The following SRGAP1 variants were observed in gnomAD, a reference collection of about 807,000 sequenced individuals.
SRGAP1 encodes SLIT-ROBO Rho GTPase-activating protein 1.
In SRGAP1, 43 loss-of-function variants were observed where a neutral mutation model predicts 121.9. That is an observed-to-expected ratio of 0.35 (90% CI 0.28 to 0.46). SRGAP1 has a LOEUF of 0.46. Among genes scored for constraint, SRGAP1 ranks in the 20% least tolerant of loss-of-function variants. The pLI, the probability that SRGAP1 is intolerant of heterozygous loss-of-function variation, is 1.00. For missense variants in SRGAP1, 1,102 were observed against 1,350.9 expected (o/e 0.82, Z 2.89); for synonymous variants, 447 against 485.4 (o/e 0.92, Z 1.04).
rs527779514 is a variant in SRGAP1 at position 63,894,936 on chromosome 12, G to A, written c.67+50053G>A. ...GAATAGTGCTGCAATAAACACACAT[G>A]TGCATGTGCCTTTATAGCAGCAGCA... On this transcript the variant is annotated intron_variant, in intron 1 of 21. Transcript: ENST00000355086. Among the ~76,000 whole-genome samples, 4 of 151,240 alleles carry A rather than the reference G, an allele frequency of 2.6e-5. No individual in the cohort carries two copies. The East Asian group carries it at 5.9e-4, about 22-fold the overall frequency.
At chr12:64,047,821 A>T (rs908581714) in intron 6 of SRGAP1, among the ~76,000 whole-genome samples, 4 of 152,128 alleles carry the variant, frequency 2.6e-5, no homozygotes, top group Non-Finnish European at 5.9e-5. Context: ...GCAAATATAA[A>T]GTGATCACAT....
At chr12:64,112,458 G>T (rs1215627677) in intron 17 of SRGAP1, among the ~76,000 whole-genome samples, 1 of 152,020 alleles carries the variant, frequency 6.6e-6, no homozygotes, top group African/African-American at 2.4e-5. Flanking sequence ...TATAATTATA[G>T]TTAGACCTTT....
At chr12:64,079,489 T>G (rs971621416) in intron 9 of SRGAP1, among the ~76,000 whole-genome samples, 27 of 148,042 alleles carry the variant, frequency 1.8e-4, no homozygotes, top group Non-Finnish European at 3.9e-4. Context: ...ATATTTATAT[T>G]TATATATATT....
At position 64,012,196 on chromosome 12, in the gene SRGAP1, T is replaced by C. The variant is rs74097510; in HGVS notation, c.427-4754T>C. Among the ~76,000 whole-genome samples, 1,059 of 152,336 alleles carry C rather than the reference T, an allele frequency of 7.0e-3. 9 individuals are homozygous for C. The highest frequency in any genetic ancestry group is 0.024 in the African/African-American group (990 of 41,566). ...TTTGAGACTGTTCATTTTGGACTTA[T>C]GTTAGAAATATCTGAAACATCAAAA... On this transcript the variant is annotated intron_variant, in intron 3 of 21. Coordinates refer to ENST00000355086, the MANE Select transcript of SRGAP1 (RefSeq NM_020762.4).
chr12:64,160,728 TCA>T lies in SRGAP1; in HGVS notation c.*18057_*18058del, dbSNP rs1454289158. ...AGTATGGTAGGTGAGGAAGATTTTC[TCA>T]GAGTGGCTCATTATCTGGAAAGTGT... On this transcript the variant is annotated 3_prime_UTR_variant, in exon 22 of 22. Coordinates refer to ENST00000355086, the MANE Select transcript of SRGAP1 (RefSeq NM_020762.4). 3.3e-5 allele frequency: 5 copies of T among 152,156 alleles called. No individual in the cohort carries two copies. Among genetic ancestry groups the T allele is most frequent in the Non-Finnish European group, 7.3e-5 (5 of 68,032 alleles). The allele number at this position is 152,156 out of a possible 1,614,324, so 9.4% of individuals were successfully genotyped here.
chr12:63,886,661 G>A (rs73126655), intron 1 of SRGAP1, among the ~76,000 whole-genome samples: 5,976 of 151,870 alleles, frequency 0.039, 183 homozygotes, highest in Non-Finnish European at 0.054. Flanking sequence ...TTGTAGATAT[G>A]GGATTCTGCC....
At position 63,951,152 on chromosome 12, in the gene SRGAP1, CTTTTTTTTTTTTT is replaced by C. The variant is rs58637983; in HGVS notation, c.68-32778_68-32766del. Reference sequence around the variant, plus strand: ...GGGCTGGTCCATGCCATTTAGAACTCTTTTTTTTTTTTTTTTTTTTTTTTTTTTTGAGACAGAG... The same window carrying C: ...GGGCTGGTCCATGCCATTTAGAACTCTTTTTTTTTTTTTTTTGAGACAGAG... On this transcript the variant is annotated intron_variant, in intron 1 of 21. Coordinates refer to ENST00000355086, the MANE Select transcript of SRGAP1 (RefSeq NM_020762.4). 7.6e-3 allele frequency among the ~76,000 whole-genome samples: 336 copies of C among 44,220 alleles called. 9 individuals carry two copies. In the Admixed American group the frequency reaches 0.09, roughly 12 times the overall value. 29.0% of individuals were successfully genotyped at this position (44,220 alleles called of 152,430 possible).
rs1174747334 is a variant in SRGAP1 at position 64,072,114 on chromosome 12, G to C, written c.1126-6805G>C. Among the ~76,000 whole-genome samples, 283 of 103,168 alleles carry C rather than the reference G, an allele frequency of 2.7e-3. 1 individual carries two copies. The highest frequency in any genetic ancestry group is 6.8e-3 in the Admixed American group (69 of 10,144). 67.7% of individuals were successfully genotyped at this position (103,168 alleles called of 152,430 possible). A position where few individuals can be genotyped will look rare whatever the true frequency, so the allele number is the denominator to read the frequency against. On this transcript the variant is annotated intron_variant, in intron 8 of 21. Coordinates refer to ENST00000355086, the MANE Select transcript of SRGAP1 (RefSeq NM_020762.4). Reference sequence around the variant, plus strand: ...GAGTTGACCCAATCTCTCTCTGTGTGTGTGTGTGTGTGTGTGTGTGTGTGT... The same window carrying C: ...GAGTTGACCCAATCTCTCTCTGTGTCTGTGTGTGTGTGTGTGTGTGTGTGT...
At chr12:64,127,832 G>A in intron 20 of SRGAP1, 29 bp from the exon 21 acceptor site, 1 of 1,600,872 alleles carries the variant, frequency 6.2e-7, no homozygotes, top group Non-Finnish European at 8.5e-7. Flanking sequence ...AAGCTCTTCT[G>A]TTTTCTCCCT....
At chr12:64,043,623 A>G in intron 6 of SRGAP1, 48 bp downstream of exon 6, 2 of 1,453,756 alleles carry the variant, frequency 1.4e-6, no homozygotes, top group Non-Finnish European at 1.9e-6. Context: ...TGAAATTAAC[A>G]ATAACCATAT....
chr12:63,874,549 A>G (rs2136280300), intron 1 of SRGAP1, among the ~76,000 whole-genome samples: 1 of 152,316 alleles, frequency 6.6e-6, no homozygotes, highest in East Asian at 1.9e-4. Flanking sequence ...GAACTATTTA[A>G]GAAATCCCAT....
chr12:63,957,633 A>G (rs534397397), intron 1 of SRGAP1, among the ~76,000 whole-genome samples: 2 of 152,096 alleles, frequency 1.3e-5, no homozygotes, highest in Admixed American at 6.6e-5. Flanking sequence ...CCCCACTCCA[A>G]ATTTCATATT....
chr12:63,948,945 TATATATATTCC>T (rs2032159296), intron 1 of SRGAP1, among the ~76,000 whole-genome samples: 1 of 88,630 alleles, frequency 1.1e-5, no homozygotes, highest in African/African-American at 3.9e-5. Flanking sequence ...ATATTTTCCA[TATATATATTCC>T]ATATATATAT....
intron 1 of SRGAP1, among the ~76,000 whole-genome samples, chr12:63,864,579 C>T (rs1200143847): frequency 6.6e-6 from 1 of 152,140 alleles, no homozygotes; most frequent in Non-Finnish European, 1.5e-5. Context: ...ATGATAGTAC[C>T]CATTTCAGAG....
intron 15 of SRGAP1, among the ~76,000 whole-genome samples, chr12:64,103,531 G>C (rs1196102483): frequency 1.3e-5 from 2 of 152,032 alleles, no homozygotes; most frequent in Non-Finnish European, 2.9e-5. Flanking sequence ...AAAAGCTTTT[G>C]AACTCTTTTT....
chr12:63,979,381 T>A (rs2033186827), intron 1 of SRGAP1, among the ~76,000 whole-genome samples: 1 of 152,144 alleles, frequency 6.6e-6, no homozygotes, highest in Non-Finnish European at 1.5e-5. Flanking sequence ...TGTTGAGTTG[T>A]AAGAGTTCTT....
At chr12:63,921,611 C>T (rs61933128) in intron 1 of SRGAP1, among the ~76,000 whole-genome samples, 4,647 of 152,320 alleles carry the variant, frequency 0.031, 115 homozygotes, top group Middle Eastern at 0.068. Flanking sequence ...GCTCCCCTAA[C>T]GTGTACACGT....
intron 1 of SRGAP1, among the ~76,000 whole-genome samples, chr12:63,938,881 G>A (rs377123591): frequency 6.6e-6 from 1 of 151,830 alleles, no homozygotes; most frequent in Non-Finnish European, 1.5e-5. Context: ...TGGGCTGGGT[G>A]TAGTGACTCA....
chr12:64,073,709 T>A (rs1428467051), intron 8 of SRGAP1, among the ~76,000 whole-genome samples: 1 of 151,994 alleles, frequency 6.6e-6, no homozygotes, highest in Non-Finnish European at 1.5e-5. Flanking sequence ...TTCTTTTTTT[T>A]TTCCAAATAT....
Sources: allele counts gnomAD v4.1 joint callset (sites outside exome capture counted in the v4.1 genomes callset), GRCh38; gene constraint gnomAD v4.1.1; transcripts MANE v1.5; gene names NCBI Gene and HGNC (gene_info 2026-07-23, HGNC 2026-07-21).